EPHA3: variants seen among roughly 807,000 people sequenced by gnomAD.
The protein encoded by EPHA3 is ephrin type-A receptor 3.
A neutral mutation model predicts 107.1 loss-of-function variants in EPHA3; 42 were observed. That is an observed-to-expected ratio of 0.39 (90% CI 0.31 to 0.51). EPHA3 has a LOEUF of 0.51. Among genes scored for constraint, EPHA3 ranks in the 20% least tolerant of loss-of-function variants. EPHA3 has a pLI of 0.78. For synonymous variants in EPHA3, 461 were observed against 424.8 expected, an observed-to-expected ratio of 1.09 and a Z score of -1.05; for missense variants, 1,183 against 1,211.2, an observed-to-expected ratio of 0.98 and a Z score of 0.35.
rs866566180 is a variant in EPHA3, at chr3:89,466,768, G to C, written c.2691-5696G>C. ...TGAGATGAACCCGGTACCTCAGATG[G>C]AAATGCAGAAATCACCGTCTTATGC... On this transcript the variant is annotated intron_variant, in intron 15 of 16. Transcript: ENST00000336596. Among the ~76,000 whole-genome samples the C allele has an allele frequency of 1.7e-4, 23 of 137,644 alleles. 3 individuals carry two copies. In the Middle Eastern group the frequency reaches 0.01, roughly 62 times the overall value. The allele number at this position is 137,644 out of a possible 152,430, so 90.3% of individuals were successfully genotyped here.
At chr3:89,222,382 TAC>T (rs1257826344) in intron 3 of EPHA3, among the ~76,000 whole-genome samples, 1 of 147,760 alleles carries the variant, frequency 6.8e-6, no homozygotes, top group Non-Finnish European at 1.5e-5. Context: ...TACCTATGTA[TAC>T]ACACACATAT....
intron 3 of EPHA3, among the ~76,000 whole-genome samples, chr3:89,228,945 T>C (rs191089779): frequency 6.6e-6 from 1 of 152,094 alleles, no homozygotes; most frequent in East Asian, 1.9e-4. Context: ...TCAACTTTCA[T>C]ATGTAGTGAA....
intron 3 of EPHA3, among the ~76,000 whole-genome samples, chr3:89,294,019 C>T (rs1016584): frequency 0.5 from 75,644 of 151,888 alleles, 19,831 homozygotes; most frequent in African/African-American, 0.66. Context: ...CCACTAATCA[C>T]TTAAAGATCT....
intron 3 of EPHA3, among the ~76,000 whole-genome samples, chr3:89,252,719 T>C (rs1483987587): frequency 6.6e-6 from 1 of 152,028 alleles, no homozygotes; most frequent in Non-Finnish European, 1.5e-5. Flanking sequence ...TTAACCTTTT[T>C]CTCCATTCAT....
intron 15 of EPHA3, among the ~76,000 whole-genome samples, chr3:89,471,398 C>T (rs775717228): frequency 2.0e-5 from 3 of 152,092 alleles, no homozygotes; most frequent in East Asian, 1.9e-4. Context: ...GACGGAGTTT[C>T]GCTCCTGTTG....
At chr3:89,434,654 C>T (rs1709632772) in intron 13 of EPHA3, among the ~76,000 whole-genome samples, 1 of 152,182 alleles carries the variant, frequency 6.6e-6, no homozygotes. Context: ...CTGGAGAACA[C>T]AGGGGGTTAA....
intron 10 of EPHA3, among the ~76,000 whole-genome samples, chr3:89,416,884 T>G (rs1178941654): frequency 1.3e-5 from 2 of 151,522 alleles, no homozygotes; most frequent in African/African-American, 4.8e-5. Flanking sequence ...TAGTATGCTA[T>G]CCTTTACAAA....
chr3:89,400,056 T>G lies in EPHA3; in HGVS notation c.1594+576T>G, dbSNP rs551428101. 4 of 1,032,164 alleles carry G rather than the reference T, an allele frequency of 3.9e-6. No homozygotes were observed. The South Asian group carries it at 1.4e-4, about 36-fold the overall frequency. The allele number at this position is 1,032,164 out of a possible 1,614,324, so 63.9% of individuals were successfully genotyped here. A position where few individuals can be genotyped will look rare whatever the true frequency, so the allele number is the denominator to read the frequency against. On this transcript the variant is annotated intron_variant, in intron 7 of 16. Coordinates refer to ENST00000336596, the MANE Select transcript of EPHA3 (RefSeq NM_005233.6). ...ATTTTTCCAGTAACTTTTCTTTTTT[T>G]CAAATGAATTTTCTTCATACTTAAA...
intron 3 of EPHA3, among the ~76,000 whole-genome samples, chr3:89,251,059 C>T (rs1705152826): frequency 6.6e-6 from 1 of 152,044 alleles, no homozygotes; most frequent in Non-Finnish European, 1.5e-5. Flanking sequence ...AAGGTTTAGC[C>T]TTAGATCAAA....
chr3:89,179,099 A>G (rs1283377072), intron 2 of EPHA3, among the ~76,000 whole-genome samples: 1 of 151,940 alleles, frequency 6.6e-6, no homozygotes, highest in Non-Finnish European at 1.5e-5. Context: ...ATACCTAATG[A>G]ACCATTTGAG....
At chr3:89,282,084 AT>A (rs1250121696) in intron 3 of EPHA3, among the ~76,000 whole-genome samples, 2 of 152,194 alleles carry the variant, frequency 1.3e-5, no homozygotes. Flanking sequence ...CAGTAGTTTT[AT>A]TAAACATCTA....
chr3:89,164,962 G>A lies in EPHA3; in HGVS notation c.153+37689G>A, dbSNP rs1576197176. On this transcript the variant is annotated intron_variant, in intron 2 of 16. Coordinates refer to ENST00000336596, the MANE Select transcript of EPHA3 (RefSeq NM_005233.6). ...AAACAAACAAAAATCTTTCAATGCA[G>A]CATTGCTGAGTCAGGGTTTTCATAT... is the stretch of plus-strand genomic sequence containing the variant. 4.6e-5 allele frequency among the ~76,000 whole-genome samples: 7 copies of A among 152,276 alleles called. No individual in the cohort carries two copies. In the South Asian group the frequency reaches 1.2e-3, roughly 27 times the overall value.
chr3:89,184,753 T>C (rs1705523412), intron 2 of EPHA3, among the ~76,000 whole-genome samples: 1 of 151,974 alleles, frequency 6.6e-6, no homozygotes, highest in Admixed American at 6.6e-5. Context: ...CCACATCTAA[T>C]AAGAGGGAAT....
rs1312420616 is a variant in EPHA3 at position 89,350,251 on chromosome 3, C to T, written c.1306+8161C>T. Reference sequence around the variant, plus strand: ...CCATTCTCCCCGTCACTTTCAGGTACACCAATCAGACGTAGATTTGGTCTT... The same window carrying T: ...CCATTCTCCCCGTCACTTTCAGGTATACCAATCAGACGTAGATTTGGTCTT... On this transcript the variant is annotated intron_variant, in intron 5 of 16. Coordinates refer to ENST00000336596, the MANE Select transcript of EPHA3 (RefSeq NM_005233.6). 2.7e-5 allele frequency among the ~76,000 whole-genome samples: 4 copies of T among 150,276 alleles called. 1 individual carries two copies. Among genetic ancestry groups the T allele is most frequent in the Admixed American group, 2.0e-4 (3 of 15,072 alleles).
intron 3 of EPHA3, among the ~76,000 whole-genome samples, chr3:89,237,233 G>T (rs146944581): frequency 7.2e-4 from 109 of 152,270 alleles, no homozygotes; most frequent in Non-Finnish European, 1.5e-3. Flanking sequence ...TCAACCTGGT[G>T]TGATGGTGCG....
chr3:89,176,686 T>C (rs1404915291), intron 2 of EPHA3, among the ~76,000 whole-genome samples: 6 of 152,082 alleles, frequency 3.9e-5, no homozygotes, highest in African/African-American at 1.4e-4. Context: ...TCTTAAATCT[T>C]ATTTAGAATC....
chr3:89,466,796 C>T lies in EPHA3; in HGVS notation c.2691-5668C>T, dbSNP rs529391072. 9.4e-3 allele frequency among the ~76,000 whole-genome samples: 1,220 copies of T among 129,650 alleles called. 152 individuals carry two copies. Among genetic ancestry groups the T allele is most frequent in the African/African-American group, 0.032 (1,104 of 34,834 alleles). 85.1% of individuals were successfully genotyped at this position (129,650 alleles called of 152,430 possible). A position where few individuals can be genotyped will look rare whatever the true frequency, so the allele number is the denominator to read the frequency against. On this transcript the variant is annotated intron_variant, in intron 15 of 16. Transcript: ENST00000336596. ...ATGCAGAAATCACCGTCTTATGCGT[C>T]GCTCACGCTGGGAGCTGTAGACCGG...
intron 2 of EPHA3, among the ~76,000 whole-genome samples, chr3:89,204,691 T>G (rs148414379): frequency 1.3e-5 from 2 of 151,760 alleles, no homozygotes; most frequent in African/African-American, 4.8e-5. Flanking sequence ...AATAGAAATA[T>G]AATGATTTTT....
intron 2 of EPHA3, among the ~76,000 whole-genome samples, chr3:89,205,362 T>C (rs537811483): frequency 3.3e-5 from 5 of 152,204 alleles, no homozygotes; most frequent in African/African-American, 4.8e-5. Flanking sequence ...CTCAAAAATA[T>C]ATGTTTGATT....
Sources: gnomAD v4.1 joint callset for allele counts (sites outside exome capture counted in the v4.1 genomes callset) on GRCh38, gnomAD v4.1.1 for gene constraint, MANE v1.5 for transcripts, NCBI Gene and HGNC (gene_info 2026-07-23, HGNC 2026-07-21) for gene names.